ZNF608: variants seen among roughly 807,000 people sequenced by gnomAD.
The protein encoded by ZNF608 is zinc finger protein 608, also known as renal carcinoma antigen NY-REN-36.
ZNF608 carries 12 observed loss-of-function variants against 109.0 expected under a neutral mutation model. The observed-to-expected ratio is 0.11, with a 90% CI of 0.07 to 0.18. ZNF608 has a LOEUF of 0.18. ZNF608 is among the 10% of genes least tolerant of loss of function. The pLI, the probability that ZNF608 is intolerant of heterozygous loss-of-function variation, is 1.00. For missense variants in ZNF608, 1,707 were observed against 1,879.3 expected (o/e 0.91, Z 1.70); for synonymous variants, 732 against 717.4 (o/e 1.02, Z -0.33).
intron 8 of ZNF608, 24 bp from the exon 9 acceptor site, chr5:124,639,238 G>A (rs370600686): frequency 6.2e-7 from 1 of 1,608,690 alleles, no homozygotes; most frequent in Admixed American, 1.7e-5. Context: ...AATGTAGAGT[G>A]TCTGTGATCT....
chr5:124,743,858 AGC>A (rs1749525019), intron 2 of ZNF608, among the ~76,000 whole-genome samples: 2 of 108,552 alleles, frequency 1.8e-5, no homozygotes, highest in Non-Finnish European at 4.2e-5. Context: ...CATCACAAGC[AGC>A]AGCAGCAGCA....
chr5:124,663,322 G>A (rs1037637736), intron 3 of ZNF608, among the ~76,000 whole-genome samples: 4 of 152,218 alleles, frequency 2.6e-5, no homozygotes, highest in South Asian at 2.1e-4. Context: ...AGGGAAAGGC[G>A]AGTGGTGTGG....
intron 3 of ZNF608, among the ~76,000 whole-genome samples, chr5:124,688,877 A>G (rs1561560930): frequency 6.6e-6 from 1 of 152,242 alleles, no homozygotes; most frequent in East Asian, 1.9e-4. Flanking sequence ...TTTTAATGTT[A>G]AGATTAAAAG....
At chr5:124,711,508 A>G (rs942175527) in intron 2 of ZNF608, among the ~76,000 whole-genome samples, 4 of 152,258 alleles carry the variant, frequency 2.6e-5, no homozygotes, top group African/African-American at 9.6e-5. Flanking sequence ...AGAGGTCCTG[A>G]AATCCACAAG....
intron 2 of ZNF608, among the ~76,000 whole-genome samples, chr5:124,736,041 GA>G (rs11407317): frequency 3.6e-4 from 51 of 143,370 alleles, no homozygotes; most frequent in South Asian, 2.2e-3. Context: ...CACTTATTTT[GA>G]AAAAAAAAAA....
rs767569873 is a variant in ZNF608, at chr5:124,643,663, A to G, written c.4144T>C (p.Phe1382Leu). 4.3e-6 allele frequency: 7 copies of G among 1,614,222 alleles called. No homozygotes were observed. The South Asian group carries it at 6.6e-5, about 15-fold the overall frequency. The change falls in exon 7 of 10, where the codon TTT (phenylalanine) becomes CTT (leucine). Residue 1382 changes from phenylalanine (F) to leucine (L), a missense_variant. Physicochemically the swap from Phe to Leu is conservative, Grantham distance 22 (BLOSUM62 0). Transcript: ENST00000513986. ...SYPGAYLSPG[F>L]HYPVYGKMSG... ...ATCTTCCCATAAACAGGATAATGAA[A>G]TCCTGGAGAGAGATATGCCCCTGCA...
intron 3 of ZNF608, among the ~76,000 whole-genome samples, chr5:124,665,412 C>A (rs1435995116): frequency 6.6e-6 from 1 of 152,102 alleles, no homozygotes. Flanking sequence ...TAAAGTACAA[C>A]AGAGCCAAAA....
At chr5:124,707,504 C>T (rs992335912) in intron 2 of ZNF608, among the ~76,000 whole-genome samples, 2 of 152,214 alleles carry the variant, frequency 1.3e-5, no homozygotes, top group Admixed American at 1.3e-4. Context: ...TGGTGTTTTA[C>T]TTTGCTCAGA....
intron 3 of ZNF608, among the ~76,000 whole-genome samples, chr5:124,662,426 C>T (rs934186318): frequency 3.9e-5 from 6 of 152,258 alleles, no homozygotes; most frequent in Admixed American, 1.3e-4. Context: ...GAGGCAGGAA[C>T]ATTAGTGCTT....
intron 2 of ZNF608, among the ~76,000 whole-genome samples, chr5:124,736,698 A>G: frequency 6.6e-6 from 1 of 152,242 alleles, no homozygotes; most frequent in South Asian, 2.1e-4. Context: ...AGGTATACCA[A>G]AAGCGGCCAG....
At chr5:124,698,737 C>T (rs1388400390) in intron 3 of ZNF608, among the ~76,000 whole-genome samples, 1 of 152,144 alleles carries the variant, frequency 6.6e-6, no homozygotes, top group Non-Finnish European at 1.5e-5. Context: ...AATTCCACAC[C>T]AACTTATGTA....
chr5:124,690,987 A>C lies in ZNF608; in HGVS notation c.1162+10027T>G, dbSNP rs116465149. Among the ~76,000 whole-genome samples the C allele has an allele frequency of 1.8e-3, 266 of 151,444 alleles. 1 individual carries two copies. Among genetic ancestry groups the C allele is most frequent in the African/African-American group, 6.2e-3 (256 of 41,162 alleles). On this transcript the variant is annotated intron_variant, in intron 3 of 9. Coordinates refer to ENST00000513986, the MANE Select transcript of ZNF608 (RefSeq NM_020747.3). ...AAAAGTGTGCAAAATTTTTTACACAACTTTTTTTACACAATTTTTCATTGG... is the reference window on the plus strand; with the variant it reads ...AAAAGTGTGCAAAATTTTTTACACACCTTTTTTTACACAATTTTTCATTGG...
intron 5 of ZNF608, among the ~76,000 whole-genome samples, chr5:124,645,220 T>G (rs954147030): frequency 3.9e-5 from 6 of 152,226 alleles, no homozygotes; most frequent in African/African-American, 1.4e-4. Flanking sequence ...ATTGGCTCAC[T>G]TCTCATTACG....
rs188076601 is a variant in ZNF608, at chr5:124,728,044, G to A, written c.906+16040C>T. On this transcript the variant is annotated intron_variant, in intron 2 of 9. Coordinates refer to ENST00000513986, the MANE Select transcript of ZNF608 (RefSeq NM_020747.3). Reference sequence around the variant, plus strand: ...GGTGAGCCACTGTGCCGGGCCCCAAGTATCTTAAGAAACATCTGTAAAGGA... The same window carrying A: ...GGTGAGCCACTGTGCCGGGCCCCAAATATCTTAAGAAACATCTGTAAAGGA... 4.6e-5 allele frequency among the ~76,000 whole-genome samples: 7 copies of A among 152,204 alleles called. No individual in the cohort carries two copies. The East Asian group carries it at 1.2e-3, about 25-fold the overall frequency.
At chr5:124,662,678 G>T (rs946826691) in intron 3 of ZNF608, among the ~76,000 whole-genome samples, 3 of 152,224 alleles carry the variant, frequency 2.0e-5, no homozygotes, top group Non-Finnish European at 4.4e-5. Flanking sequence ...TTTCCAGAAA[G>T]TAATGCACTG....
At chr5:124,691,950 A>G (rs939318972) in intron 3 of ZNF608, among the ~76,000 whole-genome samples, 4 of 152,170 alleles carry the variant, frequency 2.6e-5, no homozygotes, top group Non-Finnish European at 5.9e-5. Flanking sequence ...TAACATATGA[A>G]GTGGTCACCT....
intron 3 of ZNF608, among the ~76,000 whole-genome samples, chr5:124,687,640 G>C (rs1752458960): frequency 6.6e-6 from 1 of 152,064 alleles, no homozygotes; most frequent in African/African-American, 2.4e-5. Flanking sequence ...CCCTGCAATT[G>C]TGCCCACGAG....
In ZNF608 at chr5:124,702,781, C is replaced by T. The variant is rs1000290327; in HGVS notation, c.907-1512G>A. On this transcript the variant is annotated intron_variant, in intron 2 of 9. Transcript: ENST00000513986. ...CTGCCATAAAACTTCTTTTGCTCCACGCTTTTTATTGTTCTGCATTCTTGA... is the reference window on the plus strand; with the variant it reads ...CTGCCATAAAACTTCTTTTGCTCCATGCTTTTTATTGTTCTGCATTCTTGA... Among the ~76,000 whole-genome samples the T allele has an allele frequency of 2.6e-5, 4 of 152,176 alleles. 1 individual carries two copies. Among genetic ancestry groups the T allele is most frequent in the South Asian group, 2.1e-4 (1 of 4,834 alleles).
intron 3 of ZNF608, among the ~76,000 whole-genome samples, chr5:124,664,276 T>C (rs1166341162): frequency 6.6e-6 from 1 of 152,132 alleles, no homozygotes; most frequent in Admixed American, 6.5e-5. Context: ...AGATGGAAAC[T>C]GCAGGAGGTC....
Sources: allele counts gnomAD v4.1 joint callset (sites outside exome capture counted in the v4.1 genomes callset), GRCh38; gene constraint gnomAD v4.1.1; transcripts MANE v1.5; gene names NCBI Gene and HGNC (gene_info 2026-07-23, HGNC 2026-07-21).